The following TCP11L2 variants were observed in gnomAD, a reference collection of about 807,000 sequenced individuals.
TCP11L2 encodes the protein T-complex protein 11-like protein 2.
Under a neutral mutation model 50.7 loss-of-function variants are expected in TCP11L2, and 39 were observed. That is an observed-to-expected ratio of 0.77 (90% CI 0.60 to 1.01). The LOEUF (loss-of-function observed/expected upper bound fraction) is 1.01. Among genes scored for constraint, TCP11L2 ranks in the 50% least tolerant of loss-of-function variants. The probability of loss-of-function intolerance (pLI) is 0.00; values close to 1 mark genes in which losing one functional copy is unlikely to be tolerated. For missense variants in TCP11L2, 612 were observed against 614.7 expected (o/e 1.00, Z 0.05); for synonymous variants, 192 against 219.3 (o/e 0.88, Z 1.10).
Position 106,312,842 on chromosome 12 carries a change from A to G in TCP11L2, c.158-1516A>G, listed in dbSNP as rs987188083. Among the ~76,000 whole-genome samples the G allele has an allele frequency of 2.6e-5, 4 of 152,100 alleles. No homozygotes were observed. In the East Asian group the frequency reaches 5.8e-4, roughly 22 times the overall value. On this transcript the variant is annotated intron_variant, in intron 2 of 9. Coordinates refer to ENST00000299045, the MANE Select transcript of TCP11L2 (RefSeq NM_152772.3). ...GGTTGTAGTGAGTCAAGATTGCACC[A>G]CTGCACTCCAGCCTGGGAGACAGAG...
Position 106,321,485 on chromosome 12 carries a change from G to C in TCP11L2, c.415-1G>C. On this transcript the variant is annotated splice_acceptor_variant, in intron 4 of 9. Coordinates refer to ENST00000299045, the MANE Select transcript of TCP11L2 (RefSeq NM_152772.3). LOFTEE classifies it high-confidence loss of function. ...GTTAATTTTTATTTCTTTCCCTGTA[G>C]ATTCTTCTCTCTTTTCTCACTCCCG... The C allele has an allele frequency of 6.2e-6, 10 of 1,610,912 alleles. No homozygotes were observed. Among genetic ancestry groups the C allele is most frequent in the Non-Finnish European group, 5.9e-6 (7 of 1,178,080 alleles).
In TCP11L2 at chr12:106,321,538, G is replaced by A; in HGVS notation, c.467G>A (p.Cys156Tyr). The A allele has an allele frequency of 6.2e-7, 1 of 1,614,204 alleles. No homozygotes were observed. The highest frequency in any genetic ancestry group is 8.5e-7 in the Non-Finnish European group (1 of 1,180,036). Residue 156 changes from cysteine to tyrosine, a missense_variant, in exon 5 of 10, where the codon TGT becomes TAT. Cys to Tyr is a radical substitution (Grantham distance 194, BLOSUM62 -2). Coordinates refer to ENST00000299045, the MANE Select transcript of TCP11L2 (RefSeq NM_152772.3). ...PGGNRLRNQI[C>Y]EVLDTDLIRQ... ...GGCAACCGGCTTCGCAACCAAATCT[G>A]TGAAGTTTTGGACACAGACCTCATT... is the stretch of plus-strand genomic sequence containing the variant.
chr12:106,330,667 G>C (rs975894380), intron 6 of TCP11L2, among the ~76,000 whole-genome samples: 1 of 152,158 alleles, frequency 6.6e-6, no homozygotes, highest in African/African-American at 2.4e-5. Context: ...AGGAAGTCTG[G>C]TGGCCGTTGA....
intron 3 of TCP11L2, 128 bp from the exon 4 acceptor site, chr12:106,318,216 T>G: frequency 9.2e-7 from 1 of 1,087,610 alleles, no homozygotes; most frequent in Non-Finnish European, 1.3e-6. Context: ...ATTAAAAGAT[T>G]AATGGATTAA....
chr12:106,303,114 G>A (rs1477891602), intron 1 of TCP11L2, 173 bp downstream of exon 1: 2 of 152,394 alleles, frequency 1.3e-5, no homozygotes, highest in East Asian at 3.9e-4. Context: ...TTCCCACTCC[G>A]CGTCCCCTTG....
At position 106,314,425 on chromosome 12, in the gene TCP11L2, GA is replaced by G. The variant is rs767731916; in HGVS notation, c.226del (p.Thr76LeufsTer8). ...CTACAGCAAGGAACTTATCAAACTT[GA>G]CTCTTGCTCATGAGATTGCTGTAAA... Reference protein sequence around the residue: ...MATARNLSNLTLAHEIAVNEN... With the variant: ...MATARNLSNLXLAHEIAVNEN... On this transcript the variant is annotated frameshift_variant, in exon 3 of 10. Transcript: ENST00000299045. LOFTEE classifies it high-confidence loss of function. The G allele has an allele frequency of 1.9e-6, 3 of 1,613,760 alleles. No homozygotes were observed. In the African/African-American group the frequency reaches 4.0e-5, roughly 22 times the overall value.
intron 6 of TCP11L2, chr12:106,329,662 GCC>G: frequency 8.2e-7 from 1 of 1,222,046 alleles, no homozygotes; most frequent in South Asian, 2.7e-5. Flanking sequence ...GAACCACTAT[GCC>G]ACACTGTTGC....
chr12:106,321,805 A>G (rs1410300932), intron 5 of TCP11L2, 99 bp downstream of exon 5: 12 of 928,322 alleles, frequency 1.3e-5, no homozygotes, highest in Admixed American at 4.0e-5. Context: ...TAGTACCCCA[A>G]ATAAATTACT....
At chr12:106,318,936 A>G (rs187051904) in intron 4 of TCP11L2, among the ~76,000 whole-genome samples, 4,137 of 145,370 alleles carry the variant, frequency 0.028, 222 homozygotes, top group African/African-American at 0.1. Context: ...ACGGAGTCTC[A>G]CTCTGTCGCC....
intron 6 of TCP11L2, chr12:106,330,299 A>AGTT (rs2035702143): frequency 4.1e-6 from 4 of 985,234 alleles, no homozygotes; most frequent in Non-Finnish European, 4.8e-6. Flanking sequence ...CTTAGAGCAA[A>AGTT]AGTAAATAAA....
At chr12:106,340,149 T>G (rs1311889719) in intron 8 of TCP11L2, among the ~76,000 whole-genome samples, 1 of 152,192 alleles carries the variant, frequency 6.6e-6, no homozygotes, top group Non-Finnish European at 1.5e-5. Context: ...GATAGTGAGA[T>G]AAAATTTTCA....
chr12:106,321,085 C>G (rs1164265852), intron 4 of TCP11L2, among the ~76,000 whole-genome samples: 1 of 152,112 alleles, frequency 6.6e-6, no homozygotes, highest in East Asian at 1.9e-4. Flanking sequence ...AGAAATATGC[C>G]ATAGAAACTT....
At chr12:106,329,996 G>GTC (rs556489287) in intron 6 of TCP11L2, 1 of 985,542 alleles carries the variant, frequency 1.0e-6, no homozygotes, top group Non-Finnish European at 1.2e-6. Context: ...AAGAATTTCA[G>GTC]TCTCTCTCTA....
At chr12:106,307,831 A>G (rs1357506285) in intron 1 of TCP11L2, among the ~76,000 whole-genome samples, 1 of 152,220 alleles carries the variant, frequency 6.6e-6, no homozygotes, top group Non-Finnish European at 1.5e-5. Context: ...TAACAAAAAA[A>G]AGCAAATAAT....
At chr12:106,323,773 AAATT>A (rs2035442900) in intron 6 of TCP11L2, 127 bp downstream of exon 6, 3 of 476,602 alleles carry the variant, frequency 6.3e-6, no homozygotes, top group Non-Finnish European at 9.4e-6. Context: ...AATTTAATTT[AAATT>A]AATTAAAATT....
intron 6 of TCP11L2, among the ~76,000 whole-genome samples, chr12:106,330,505 C>T (rs1301195301): frequency 2.0e-5 from 3 of 152,034 alleles, no homozygotes; most frequent in African/African-American, 7.3e-5. Flanking sequence ...TTATAGTGAA[C>T]AGGGCAGCCC....
intron 2 of TCP11L2, 96 bp downstream of exon 2, chr12:106,311,328 T>TC: frequency 7.2e-7 from 1 of 1,382,864 alleles, no homozygotes; most frequent in Non-Finnish European, 9.8e-7. Context: ...GCAACAGACT[T>TC]CCCCTCCTTT....
intron 2 of TCP11L2, among the ~76,000 whole-genome samples, chr12:106,313,359 T>A (rs2034931523): frequency 6.6e-6 from 1 of 152,122 alleles, no homozygotes; most frequent in African/African-American, 2.4e-5. Flanking sequence ...GGCAGGCAGA[T>A]CATCTGAGGT....
chr12:106,311,114 C>A lies in TCP11L2; in HGVS notation c.39C>A (p.Asp13Glu). 1 of 1,614,206 alleles carries A rather than the reference C, an allele frequency of 6.2e-7. No individual in the cohort carries two copies. Among genetic ancestry groups the A allele is most frequent in the Non-Finnish European group, 8.5e-7 (1 of 1,180,038 alleles). ...GCGAGAAGCAGTGTGTGGGAGAGGA[C>A]CAGCCAAGCGATTCTGATTCTTCCC... is the stretch of plus-strand genomic sequence containing the variant. ...FNGEKQCVGE[D>E]QPSDSDSSRF... Residue 13 changes from aspartate to glutamate, a missense_variant, in exon 2 of 10, where the codon GAC becomes GAA. Physicochemically the swap from Asp to Glu is conservative, Grantham distance 45. Coordinates refer to ENST00000299045, the MANE Select transcript of TCP11L2 (RefSeq NM_152772.3).
Sources: allele counts gnomAD v4.1 joint callset (sites outside exome capture counted in the v4.1 genomes callset), GRCh38; gene constraint gnomAD v4.1.1; transcripts MANE v1.5; gene names NCBI Gene and HGNC (gene_info 2026-07-23, HGNC 2026-07-21).